The following ZEB2 variants were observed in gnomAD, a reference collection of about 807,000 sequenced individuals.
The protein encoded by ZEB2 is zinc finger E-box binding homeobox 2, also known as zinc finger E-box-binding homeobox 2.
In ZEB2, 6 loss-of-function variants were observed where a neutral mutation model predicts 99.9. The observed-to-expected ratio is 0.06, with a 90% CI of 0.03 to 0.12. ZEB2 has a LOEUF of 0.12. Ranked by LOEUF, ZEB2 falls within the 10% of genes least tolerant of loss-of-function variation. The pLI, the probability that ZEB2 is intolerant of heterozygous loss-of-function variation, is 1.00. For synonymous variants in ZEB2, 517 were observed against 542.5 expected (o/e 0.95, Z 0.65); for missense variants, 969 against 1,502.8 (o/e 0.64, Z 5.87).
intron 5 of ZEB2, 50 bp downstream of exon 5, chr2:144,404,786 T>C: frequency 1.3e-6 from 2 of 1,595,294 alleles, no homozygotes; most frequent in Non-Finnish European, 1.7e-6. Flanking sequence ...TTTGTAATTG[T>C]AACAGCTGCA....
intron 4 of ZEB2, among the ~76,000 whole-genome samples, chr2:144,413,865 T>G (rs3755091): frequency 0.18 from 27,734 of 152,254 alleles, 2,764 homozygotes; most frequent in South Asian, 0.29. Context: ...ATTTAAAAGT[T>G]TTAATTTAAG....
rs149114506 is a variant in ZEB2 at position 144,423,268 on chromosome 2, A to G, written c.403+1528T>C. On this transcript the variant is annotated intron_variant, in intron 4 of 9. Transcript: ENST00000627532. Reference sequence around the variant, plus strand: ...ACTTTAAGTGCTTATAAGGGTAATCAAAATCAGCTTTTATTTATGCTGGAG... The same window carrying G: ...ACTTTAAGTGCTTATAAGGGTAATCGAAATCAGCTTTTATTTATGCTGGAG... Among the ~76,000 whole-genome samples, 16 of 152,322 alleles carry G rather than the reference A, an allele frequency of 1.1e-4. No homozygotes were observed. The East Asian group carries it at 3.1e-3, about 29-fold the overall frequency.
intron 4 of ZEB2, among the ~76,000 whole-genome samples, chr2:144,417,826 T>G (rs1703561155): frequency 2.0e-5 from 3 of 151,946 alleles, no homozygotes; most frequent in Admixed American, 1.3e-4. Flanking sequence ...AGAACGGGGG[T>G]TCTCGAATGT....
intron 4 of ZEB2, among the ~76,000 whole-genome samples, chr2:144,414,289 G>A (rs1703505572): frequency 6.6e-6 from 1 of 152,168 alleles, no homozygotes; most frequent in Admixed American, 6.5e-5. Flanking sequence ...GACATGAACA[G>A]GACTGGCTAT....
intron 2 of ZEB2, among the ~76,000 whole-genome samples, chr2:144,492,403 G>A (rs1217525671): frequency 6.6e-6 from 1 of 152,162 alleles, no homozygotes; most frequent in African/African-American, 2.4e-5. Context: ...GAAGAGTGGA[G>A]GAAGGGGACA....
At chr2:144,513,215 C>T (rs2149931950) in intron 2 of ZEB2, 1 of 1,287,314 alleles carries the variant, frequency 7.8e-7, no homozygotes, top group East Asian at 5.5e-5. Context: ...ACTACCAGCA[C>T]CTCCACTCCT....
chr2:144,512,352 T>C (rs1357165872), intron 2 of ZEB2: 1 of 1,287,062 alleles, frequency 7.8e-7, no homozygotes. Context: ...TCCCACATCT[T>C]AGAATAAACG....
intron 9 of ZEB2, 83 bp downstream of exon 9, chr2:144,396,329 T>C: frequency 6.5e-7 from 1 of 1,531,038 alleles, no homozygotes; most frequent in Non-Finnish European, 9.0e-7. Flanking sequence ...TTACATCTTA[T>C]GTTGCACAAG....
intron 2 of ZEB2, chr2:144,497,862 TA>T (rs1704789907): frequency 4.8e-4 from 1 of 2,096 alleles, no homozygotes. Flanking sequence ...TCAACATATA[TA>T]TATATATGTC....
chr2:144,423,833 G>A (rs1244231541), intron 4 of ZEB2, among the ~76,000 whole-genome samples: 1 of 152,054 alleles, frequency 6.6e-6, no homozygotes, highest in Admixed American at 6.5e-5. Flanking sequence ...CAACATAAGG[G>A]TGATGTAAAA....
At chr2:144,517,575 C>T (rs1329757238) in intron 1 of ZEB2, 156 bp from the exon 2 acceptor site, 14 of 569,134 alleles carry the variant, frequency 2.5e-5, no homozygotes, top group Non-Finnish European at 4.2e-5. Flanking sequence ...CGCCCCCCAC[C>T]CCCAGCCTTG....
At chr2:144,459,413 C>T (rs529903235) in intron 2 of ZEB2, among the ~76,000 whole-genome samples, 4 of 152,114 alleles carry the variant, frequency 2.6e-5, no homozygotes, top group Non-Finnish European at 5.9e-5. Context: ...CAGTCCATGG[C>T]CTCTTAGCCT....
At chr2:144,438,591 A>G (rs181604783) in intron 2 of ZEB2, among the ~76,000 whole-genome samples, 41 of 152,226 alleles carry the variant, frequency 2.7e-4, no homozygotes, top group Non-Finnish European at 4.4e-4. Context: ...ATCTCAGTCA[A>G]TCTTGCCTCT....
intron 4 of ZEB2, among the ~76,000 whole-genome samples, chr2:144,406,379 C>T (rs909139466): frequency 1.3e-5 from 2 of 152,168 alleles, no homozygotes; most frequent in Non-Finnish European, 2.9e-5. Flanking sequence ...AAAGTAAACA[C>T]ATCATTACAA....
chr2:144,420,274 C>T (rs1703602214), intron 4 of ZEB2, among the ~76,000 whole-genome samples: 1 of 152,116 alleles, frequency 6.6e-6, no homozygotes. Flanking sequence ...TGCTCTGTCA[C>T]CCAGGCTGGA....
intron 2 of ZEB2, among the ~76,000 whole-genome samples, chr2:144,467,410 C>T (rs1198184291): frequency 2.0e-5 from 3 of 152,084 alleles, no homozygotes; most frequent in African/African-American, 7.2e-5. Flanking sequence ...AATGATTCTT[C>T]ACCTTTTTGG....
chr2:144,467,582 C>T (rs576980518), intron 2 of ZEB2, among the ~76,000 whole-genome samples: 18 of 152,154 alleles, frequency 1.2e-4, no homozygotes, highest in African/African-American at 3.6e-4. Flanking sequence ...GGAAAGAATC[C>T]CAGTCAACTA....
intron 2 of ZEB2, chr2:144,512,014 C>T: frequency 7.8e-7 from 1 of 1,287,176 alleles, no homozygotes; most frequent in Middle Eastern, 3.3e-4. Flanking sequence ...GAAAAGACAA[C>T]CAAAGAGCAA....
chr2:144,442,136 G>C (rs1703926140), intron 2 of ZEB2, among the ~76,000 whole-genome samples: 1 of 152,106 alleles, frequency 6.6e-6, no homozygotes, highest in Non-Finnish European at 1.5e-5. Flanking sequence ...GTCTCTTGGA[G>C]GTGAAGACCT....
Sources: allele counts gnomAD v4.1 joint callset (sites outside exome capture counted in the v4.1 genomes callset), GRCh38; gene constraint gnomAD v4.1.1; transcripts MANE v1.5; gene names NCBI Gene and HGNC (gene_info 2026-07-23, HGNC 2026-07-21).